TSC22D1: variants seen among roughly 807,000 people sequenced by gnomAD.
TSC22D1 encodes the protein TSC22 domain family protein 1.
TSC22D1 carries 9 observed loss-of-function variants against 74.2 expected under a neutral mutation model. That is an observed-to-expected ratio of 0.12 (90% CI 0.07 to 0.21). The LOEUF (loss-of-function observed/expected upper bound fraction) is 0.21. Among genes scored for constraint, TSC22D1 ranks in the 10% least tolerant of loss-of-function variants. The pLI is 1.00. For synonymous variants in TSC22D1, 586 were observed against 492.5 expected (o/e 1.19, Z -2.51); for missense variants, 1,427 against 1,304.7 (o/e 1.09, Z -1.44).
At chr13:44,533,072 T>C (rs909486992) in intron 1 of TSC22D1, among the ~76,000 whole-genome samples, 7 of 152,148 alleles carry the variant, frequency 4.6e-5, no homozygotes, top group African/African-American at 1.4e-4. Flanking sequence ...ACCAATTATC[T>C]TGCATGTAAA....
intron 1 of TSC22D1, among the ~76,000 whole-genome samples, chr13:44,531,678 T>G (rs1310809589): frequency 1.3e-5 from 2 of 152,200 alleles, no homozygotes; most frequent in Non-Finnish European, 2.9e-5. Context: ...TACCCTTAGA[T>G]GTACATGCAA....
chr13:44,468,841 T>C (rs1408046080), intron 1 of TSC22D1, among the ~76,000 whole-genome samples: 1 of 149,900 alleles, frequency 6.7e-6, no homozygotes, highest in Non-Finnish European at 1.5e-5. Flanking sequence ...TGTCTAAGTT[T>C]GCTGTTTCTA....
chr13:44,492,484 T>G (rs1432182334), intron 1 of TSC22D1, among the ~76,000 whole-genome samples: 1 of 152,118 alleles, frequency 6.6e-6, no homozygotes, highest in African/African-American at 2.4e-5. Flanking sequence ...CACTCTTAGA[T>G]CAATACTGAG....
chr13:44,458,050 A>G (rs1876773938), intron 1 of TSC22D1, among the ~76,000 whole-genome samples: 1 of 152,242 alleles, frequency 6.6e-6, no homozygotes, highest in Non-Finnish European at 1.5e-5. Flanking sequence ...TCTAGGATCT[A>G]CTTTCACTTT....
Position 44,573,421 on chromosome 13 carries a change from G to A in TSC22D1, c.2654C>T (p.Pro885Leu). ...ACTTAGTGGTATCTGTTGTGCCAAA[G>A]GCAAATTTGTATTAGTTGCTATCAA... ...PPLIATNTNL[P>L]LAQQIPLSST... is the part of the protein sequence containing the mutation. The change falls in exon 1 of 3, where the codon CCT (proline) becomes CTT (leucine). Residue 885 changes from proline (P) to leucine (L), a missense_variant. This residue lies in a region of TSC22D1 where 1,343 missense variants were observed against 1,191.5 expected (regional missense o/e 1.13). Coordinates refer to ENST00000458659, the MANE Select transcript of TSC22D1 (RefSeq NM_183422.4). The A allele has an allele frequency of 6.2e-7, 1 of 1,614,242 alleles. No homozygotes were observed. Among genetic ancestry groups the A allele is most frequent in the Non-Finnish European group, 8.5e-7 (1 of 1,180,058 alleles).
At chr13:44,532,045 C>T (rs1297580946) in intron 1 of TSC22D1, among the ~76,000 whole-genome samples, 1 of 151,984 alleles carries the variant, frequency 6.6e-6, no homozygotes, top group Non-Finnish European at 1.5e-5. Flanking sequence ...AAATACAACC[C>T]GAAAAATAAC....
chr13:44,533,515 G>A (rs368003031), intron 1 of TSC22D1, among the ~76,000 whole-genome samples: 3 of 150,556 alleles, frequency 2.0e-5, no homozygotes, highest in African/African-American at 7.3e-5. Context: ...CAACTTCTTA[G>A]CAAAGAGTAT....
intron 1 of TSC22D1, among the ~76,000 whole-genome samples, chr13:44,560,120 T>C (rs1882942329): frequency 6.6e-6 from 1 of 152,150 alleles, no homozygotes; most frequent in Non-Finnish European, 1.5e-5. Flanking sequence ...TTTTCCTTGA[T>C]ATAGTATTTG....
Position 44,576,166 on chromosome 13 carries a change from C to A in TSC22D1, c.-92G>T. On this transcript the variant is annotated 5_prime_UTR_variant, in exon 1 of 3. Coordinates refer to ENST00000458659, the MANE Select transcript of TSC22D1 (RefSeq NM_183422.4). Reference sequence around the variant, plus strand: ...GGAGACGCCGGAGAGGAAAACGGGACCTGACGCTCCGCCTGGCGCGATTCC... The same window carrying A: ...GGAGACGCCGGAGAGGAAAACGGGAACTGACGCTCCGCCTGGCGCGATTCC... 7.2e-7 allele frequency: 1 copy of A among 1,384,262 alleles called. No homozygotes were observed. The highest frequency in any genetic ancestry group is 1.5e-5 in the African/African-American group (1 of 68,018). The allele number at this position is 1,384,262 out of a possible 1,614,324, so 85.7% of individuals were successfully genotyped here.
intron 1 of TSC22D1, among the ~76,000 whole-genome samples, chr13:44,515,590 A>G (rs1879942442): frequency 6.6e-6 from 1 of 152,050 alleles, no homozygotes; most frequent in African/African-American, 2.4e-5. Flanking sequence ...GACATGTGCC[A>G]CCATACCCGG....
Position 44,512,139 on chromosome 13 carries a change from ATATT to A in TSC22D1, c.2912+61020_2912+61023del, listed in dbSNP as rs371131043. On this transcript the variant is annotated intron_variant, in intron 1 of 2. Transcript: ENST00000458659. ...ACGCCCACTGGCCATCTCTACTTGG[ATATT>A]TATTTCTTTTTTTGTTTGTTTGTTT... Among the ~76,000 whole-genome samples the A allele has an allele frequency of 6.1e-3, 927 of 151,634 alleles. 5 individuals are homozygous for A. The highest frequency in any genetic ancestry group is 0.015 in the South Asian group (73 of 4,798).
rs1315962070 is a variant in TSC22D1, at chr13:44,574,659, A to C, written c.1416T>G (p.Ser472Arg). 7 of 1,614,020 alleles carry C rather than the reference A, an allele frequency of 4.3e-6. No individual in the cohort carries two copies. Among genetic ancestry groups the C allele is most frequent in the Non-Finnish European group, 5.9e-6 (7 of 1,180,042 alleles). The change falls in exon 1 of 3, where the codon AGT (serine) becomes AGG (arginine). Residue 472 changes from serine (S) to arginine (R), a missense_variant. Ser to Arg is a moderately radical substitution (Grantham distance 110). This residue lies in a region of TSC22D1 where 1,343 missense variants were observed against 1,191.5 expected (regional missense o/e 1.13). Coordinates refer to ENST00000458659, the MANE Select transcript of TSC22D1 (RefSeq NM_183422.4). ...TATAGTGACTCAGTGTGCTGACACT[A>C]CTGCTCACTGAACTCCCACTAGTGC... ...RESTSGSSVS[S>R]SVSTLSHYTE...
chr13:44,574,245 C>A lies in TSC22D1; in HGVS notation c.1830G>T (p.Ala610=). The change falls in exon 1 of 3, where the codon GCG becomes GCT. Residue 610 remains alanine (A), a synonymous_variant. Transcript: ENST00000458659. ...LAQPQLPYSQ[A]APPVQTPLPG... ...GAAGGGGAGTTTGCACTGGAGGAGC[C>A]GCCTGAGAATATGGTAGCTGGGGTT... 6.2e-7 allele frequency: 1 copy of A among 1,614,140 alleles called. No homozygotes were observed. The highest frequency in any genetic ancestry group is 8.5e-7 in the Non-Finnish European group (1 of 1,180,034).
At chr13:44,554,940 T>C (rs1426479165) in intron 1 of TSC22D1, among the ~76,000 whole-genome samples, 1 of 152,174 alleles carries the variant, frequency 6.6e-6, no homozygotes, top group Non-Finnish European at 1.5e-5. Flanking sequence ...ACTAATGGCA[T>C]TTAAGTCAGA....
At chr13:44,446,912 T>C (rs1206109592) in intron 1 of TSC22D1, among the ~76,000 whole-genome samples, 1 of 152,146 alleles carries the variant, frequency 6.6e-6, no homozygotes, top group East Asian at 1.9e-4. Context: ...TATATTTTCA[T>C]TATCATTTTT....
In TSC22D1 at chr13:44,466,700, G is replaced by A. The variant is rs117383465; in HGVS notation, c.2913-30605C>T. Among the ~76,000 whole-genome samples the A allele has an allele frequency of 3.3e-5, 5 of 152,154 alleles. No individual in the cohort carries two copies. The East Asian group carries it at 5.8e-4, about 18-fold the overall frequency. On this transcript the variant is annotated intron_variant, in intron 1 of 2. Transcript: ENST00000458659. ...TAGGAGAATCACCTGAGCCCAGGACGTCAAGGCTGCAATGAGCTGAGATCA... is the reference window on the plus strand; with the variant it reads ...TAGGAGAATCACCTGAGCCCAGGACATCAAGGCTGCAATGAGCTGAGATCA...
rs376368576 is a variant in TSC22D1, at chr13:44,551,389, GGTGTGTGTGTGT to G, written c.2912+21762_2912+21773del. Among the ~76,000 whole-genome samples the G allele has an allele frequency of 4.7e-3, 587 of 125,308 alleles. 1 individual carries two copies. The highest frequency in any genetic ancestry group is 7.2e-3 in the Non-Finnish European group (432 of 59,808). 82.2% of individuals were successfully genotyped at this position (125,308 alleles called of 152,430 possible). A position where few individuals can be genotyped will look rare whatever the true frequency, so the allele number is the denominator to read the frequency against. On this transcript the variant is annotated intron_variant, in intron 1 of 2. Transcript: ENST00000458659. ...AAAAACCCAAAACCCCAATCAGATG[GGTGTGTGTGTGT>G]GTGTGTGTGTGTGTGTGTGTGTGTG...
intron 1 of TSC22D1, among the ~76,000 whole-genome samples, chr13:44,468,050 A>T (rs1244985752): frequency 1.3e-5 from 2 of 152,138 alleles, no homozygotes; most frequent in African/African-American, 2.4e-5. Context: ...GCCATATAAG[A>T]ACAAAATAAT....
At chr13:44,523,448 T>G (rs1458218211) in intron 1 of TSC22D1, among the ~76,000 whole-genome samples, 2 of 152,024 alleles carry the variant, frequency 1.3e-5, no homozygotes, top group East Asian at 3.8e-4. Flanking sequence ...TATACAATAA[T>G]AAGAAATGAG....
Sources: gnomAD v4.1 joint callset for allele counts (sites outside exome capture counted in the v4.1 genomes callset) on GRCh38, gnomAD v4.1.1 for gene constraint, gnomAD v4.1.1 regional missense constraint, MANE v1.5 for transcripts, NCBI Gene and HGNC (gene_info 2026-07-23, HGNC 2026-07-21) for gene names.